ATP10B: variants seen among roughly 807,000 people sequenced by gnomAD.
The protein encoded by ATP10B is phospholipid-transporting ATPase VB.
In ATP10B, 122 loss-of-function variants were observed where a neutral mutation model predicts 141.2. The observed-to-expected ratio is 0.86, with a 90% CI of 0.75 to 1.00. The LOEUF is 1.00. ATP10B is among the 50% of genes least tolerant of loss of function. The probability of loss-of-function intolerance (pLI) is 0.00; values close to 1 mark genes in which losing one functional copy is unlikely to be tolerated. For missense variants in ATP10B, 1,876 were observed against 1,825.3 expected, an observed-to-expected ratio of 1.03 and a Z score of -0.51; for synonymous variants, 685 against 692.0, an observed-to-expected ratio of 0.99 and a Z score of 0.16.
intron 1 of ATP10B, among the ~76,000 whole-genome samples, chr5:160,820,095 T>C (rs1773984379): frequency 1.3e-5 from 2 of 149,292 alleles, no homozygotes. Flanking sequence ...AAAAAGTTGA[T>C]TTTTTTTGTA....
At chr5:160,647,768 T>G (rs1010854851) in intron 8 of ATP10B, among the ~76,000 whole-genome samples, 21 of 152,144 alleles carry the variant, frequency 1.4e-4, no homozygotes, top group Non-Finnish European at 7.4e-5. Context: ...CAAAGGCCTT[T>G]TCCCCAGGAC....
intron 2 of ATP10B, among the ~76,000 whole-genome samples, chr5:160,739,820 GT>G (rs1363277613): frequency 6.8e-6 from 1 of 146,500 alleles, no homozygotes; most frequent in African/African-American, 2.5e-5. Flanking sequence ...TTTTGTTTTT[GT>G]TTTTTAAAAT....
At chr5:160,783,788 T>C (rs1309957595) in intron 2 of ATP10B, among the ~76,000 whole-genome samples, 2 of 152,038 alleles carry the variant, frequency 1.3e-5, no homozygotes, top group Non-Finnish European at 2.9e-5. Context: ...GTTCTACTTT[T>C]AGTTCTTTAA....
At chr5:160,816,014 T>G (rs947818345) in intron 1 of ATP10B, among the ~76,000 whole-genome samples, 1 of 151,622 alleles carries the variant, frequency 6.6e-6, no homozygotes, top group African/African-American at 2.4e-5. Context: ...TTTAAAGCAG[T>G]GTGTAGAGGG....
At chr5:160,666,098 T>C (rs562748619) in intron 7 of ATP10B, among the ~76,000 whole-genome samples, 1 of 152,200 alleles carries the variant, frequency 6.6e-6, no homozygotes, top group South Asian at 2.1e-4. Context: ...AACTAGTATA[T>C]AGTAAAAAGT....
In ATP10B at chr5:160,670,495, G is replaced by T. The variant is rs1435627193; in HGVS notation, c.643C>A (p.Gln215Lys). The part of the protein sequence containing the change: ...ASLDGETNLK[Q>K]RCVVKGFSQQ... Reference sequence around the variant, plus strand: ...GAGAAGCCCTTCACGACACATCTTTGCTTGAGGTTTGTCTCTCCATCCAAG... The same window carrying T: ...GAGAAGCCCTTCACGACACATCTTTTCTTGAGGTTTGTCTCTCCATCCAAG... Residue 215 changes from glutamine to lysine, a missense_variant, in exon 7 of 26, where the codon CAA (glutamine) becomes AAA (lysine). Physicochemically the swap from Gln to Lys is moderately conservative, Grantham distance 53. Transcript: ENST00000327245. 1 of 1,613,966 alleles carries T rather than the reference G, an allele frequency of 6.2e-7. No homozygotes were observed. Among genetic ancestry groups the T allele is most frequent in the African/African-American group, 1.3e-5 (1 of 74,974 alleles).
At chr5:160,862,808 A>G in the ATP10B span, among the ~76,000 whole-genome samples, 3 of 151,946 alleles carry the variant, frequency 2.0e-5, no homozygotes, top group Admixed American at 6.6e-5. Context: ...GCAGAAATAG[A>G]TATTCATATT....
At chr5:160,898,035 C>G in the ATP10B span, among the ~76,000 whole-genome samples, 2 of 152,076 alleles carry the variant, frequency 1.3e-5, no homozygotes, top group Non-Finnish European at 2.9e-5. Flanking sequence ...TATACAAAAA[C>G]TAACTCAAGA....
intron 2 of ATP10B, among the ~76,000 whole-genome samples, chr5:160,767,642 C>G (rs956267373): frequency 1.1e-5 from 1 of 94,496 alleles, no homozygotes; most frequent in African/African-American, 3.3e-5. Flanking sequence ...AGAACCCCCC[C>G]CCCCAAAATA....
the ATP10B span, among the ~76,000 whole-genome samples, chr5:160,900,263 C>T: frequency 6.6e-6 from 1 of 152,110 alleles, no homozygotes; most frequent in East Asian, 1.9e-4. Flanking sequence ...TGCACATTTT[C>T]TTTCTCTTTT....
At chr5:160,909,072 C>T in the ATP10B span, among the ~76,000 whole-genome samples, 2 of 152,140 alleles carry the variant, frequency 1.3e-5, no homozygotes, top group Non-Finnish European at 2.9e-5. Flanking sequence ...ACCTGCTCAC[C>T]TTAAGTGGCC....
At chr5:160,600,704 T>C (rs974704388) in intron 21 of ATP10B, among the ~76,000 whole-genome samples, 2 of 152,240 alleles carry the variant, frequency 1.3e-5, no homozygotes, top group African/African-American at 2.4e-5. Flanking sequence ...CTTTGTACCT[T>C]GCAGGGAGTG....
intron 1 of ATP10B, among the ~76,000 whole-genome samples, chr5:160,827,278 G>C (rs557825488): frequency 6.6e-5 from 10 of 152,192 alleles, no homozygotes; most frequent in Non-Finnish European, 1.3e-4. Context: ...AAATATTGGG[G>C]GCAGGTTCCC....
At chr5:160,670,347 A>G in intron 7 of ATP10B, 116 bp downstream of exon 7, 1 of 927,366 alleles carries the variant, frequency 1.1e-6, no homozygotes, top group Non-Finnish European at 1.7e-6. Flanking sequence ...GTGCTAGGGA[A>G]AAGGAGGCAT....
At chr5:160,644,007 G>A in intron 9 of ATP10B, 131 bp downstream of exon 9, 2 of 717,284 alleles carry the variant, frequency 2.8e-6, no homozygotes, top group Non-Finnish European at 4.9e-6. Flanking sequence ...TTGCTTAGTT[G>A]AGAAATGGGA....
At chr5:160,880,643 A>G in the ATP10B span, among the ~76,000 whole-genome samples, 12 of 152,200 alleles carry the variant, frequency 7.9e-5, no homozygotes, top group African/African-American at 2.9e-4. Context: ...ACCCATGTAT[A>G]TATACAATCA....
rs575047898 is a variant in ATP10B at position 160,813,181 on chromosome 5, G to A, written c.-575-27378C>T. Among the ~76,000 whole-genome samples the A allele has an allele frequency of 6.9e-3, 1,054 of 152,336 alleles. 7 individuals carry two copies. The highest frequency in any genetic ancestry group is 6.8e-3 in the Non-Finnish European group (460 of 68,036). ...CACCGAGCATGAGCCGAAGCAGGGC[G>A]AGGCATCGCCTCACCCGGGAAGCAC... On this transcript the variant is annotated intron_variant, in intron 1 of 25. Coordinates refer to ENST00000327245, the MANE Select transcript of ATP10B (RefSeq NM_025153.3).
At chr5:160,927,097 AC>A in the ATP10B span, among the ~76,000 whole-genome samples, 1 of 152,196 alleles carries the variant, frequency 6.6e-6, no homozygotes, top group Non-Finnish European at 1.5e-5. Context: ...GCACTAAGTG[AC>A]TTGCCCACAA....
chr5:160,878,644 A>G, the ATP10B span, among the ~76,000 whole-genome samples: 1 of 152,188 alleles, frequency 6.6e-6, no homozygotes. Context: ...CATCTGACAA[A>G]GGGCTAATAT....
Sources: allele counts gnomAD v4.1 joint callset (sites outside exome capture counted in the v4.1 genomes callset), GRCh38; gene constraint gnomAD v4.1.1; transcripts MANE v1.5; gene names NCBI Gene and HGNC (gene_info 2026-07-23, HGNC 2026-07-21).